POM121: variants seen among roughly 807,000 people sequenced by gnomAD.
POM121 encodes the protein nuclear envelope pore membrane protein POM 121.
A neutral mutation model predicts 81.3 loss-of-function variants in POM121; 32 were observed. The ratio of observed to expected loss-of-function variants is 0.39; its 90% CI spans 0.30 to 0.53. POM121 has a LOEUF of 0.53. Among genes scored for constraint, POM121 ranks in the 20% least tolerant of loss-of-function variants. The probability of loss-of-function intolerance (pLI) is 0.66; values close to 1 mark genes in which losing one functional copy is unlikely to be tolerated. For missense variants in POM121, 1,138 were observed against 1,614.6 expected, an observed-to-expected ratio of 0.70 and a Z score of 5.06; for synonymous variants, 514 against 694.2, an observed-to-expected ratio of 0.74 and a Z score of 4.08.
Position 72,925,753 on chromosome 7 carries a change from G to T in POM121, c.632G>T (p.Arg211Met). The change falls in exon 1 of 13, where the codon AGG (arginine) becomes ATG (methionine). Residue 211 changes from arginine to methionine, a missense_variant. Transcript: ENST00000434423. ...ACTCCTCTTCTCCGACCCTCCAGGA[G>T]GCCTTCCCCACGGTAAGATGCGCTG... Reference protein sequence around the residue: ...LPTPLLRPSRRPSPRDCGTLP... With the variant: ...LPTPLLRPSRMPSPRDCGTLP... 7.9e-7 allele frequency: 1 copy of T among 1,268,468 alleles called. No homozygotes were observed. Among genetic ancestry groups the T allele is most frequent in the Non-Finnish European group, 1.0e-6 (1 of 1,004,770 alleles). The allele number at this position is 1,268,468 out of a possible 1,614,324, so 78.6% of individuals were successfully genotyped here. A position where few individuals can be genotyped will look rare whatever the true frequency, so the allele number is the denominator to read the frequency against.
At chr7:72,880,127 C>G (rs1272825998) in intron 1 of POM121, among the ~76,000 whole-genome samples, 2 of 152,190 alleles carry the variant, frequency 1.3e-5, no homozygotes, top group Non-Finnish European at 2.9e-5. Context: ...TCTCCACTCC[C>G]CGCTAACCCC....
chr7:72,888,651 G>A (rs1345545214), intron 1 of POM121, among the ~76,000 whole-genome samples: 11 of 151,434 alleles, frequency 7.3e-5, no homozygotes, highest in South Asian at 2.1e-4. Context: ...CCTGACTTTC[G>A]GACCGAGAAG....
chr7:72,925,075 CG>C (rs1378849047), upstream of POM121: 1 of 1,360,130 alleles, frequency 7.4e-7, no homozygotes, highest in African/African-American at 1.5e-5. Context: ...ACGCGCGGCG[CG>C]GTGCACGCTG....
chr7:72,919,309 A>G (rs1437201729), intron 4 of POM121, among the ~76,000 whole-genome samples: 2 of 151,670 alleles, frequency 1.3e-5, no homozygotes, highest in Non-Finnish European at 2.9e-5. Context: ...TTATATTTTA[A>G]AGAGATTTAA....
At chr7:72,907,891 T>A (rs1192220200) in intron 3 of POM121, among the ~76,000 whole-genome samples, 1 of 152,222 alleles carries the variant, frequency 6.6e-6, no homozygotes, top group African/African-American at 2.4e-5. Flanking sequence ...CGTTTGCTGT[T>A]GTCCCATTGT....
intron 1 of POM121, among the ~76,000 whole-genome samples, chr7:72,884,715 C>T (rs1554489817): frequency 6.7e-6 from 1 of 149,488 alleles, no homozygotes; most frequent in Admixed American, 6.7e-5. Flanking sequence ...CATTTTCCCA[C>T]ATTAATCATT....
intron 3 of POM121, among the ~76,000 whole-genome samples, chr7:72,902,898 C>T (rs1250735172): frequency 5.9e-5 from 9 of 152,154 alleles, no homozygotes; most frequent in Non-Finnish European, 1.3e-4. Context: ...TCCTTGTATC[C>T]TTTAACTCTT....
chr7:72,950,310 G>T (rs1797969709), downstream of POM121: 2 of 955,312 alleles, frequency 2.1e-6, no homozygotes, highest in African/African-American at 1.7e-5. Flanking sequence ...AATCAACAGG[G>T]TGATAAGGGA....
At chr7:72,898,959 GTTTCTTTTTCT>G (rs1425884513) in intron 3 of POM121, among the ~76,000 whole-genome samples, 3 of 131,218 alleles carry the variant, frequency 2.3e-5, no homozygotes, top group Non-Finnish European at 5.0e-5. Flanking sequence ...GTGTTTCTGT[GTTTCTTTTTCT>G]TTTCTTTTCT....
exon 1 of POM121, chr7:72,879,795 G>A: frequency 2.0e-6 from 1 of 499,052 alleles, no homozygotes; most frequent in African/African-American, 1.9e-5. Context: ...TGGACGGGAG[G>A]GGACTTCGCG....
intron 11 of POM121, among the ~76,000 whole-genome samples, chr7:72,944,052 G>A (rs1278066835): frequency 1.3e-5 from 2 of 152,156 alleles, no homozygotes; most frequent in African/African-American, 2.4e-5. Flanking sequence ...AAAACAAACC[G>A]TAAGCTGAAT....
chr7:72,945,310 G>A (rs1797568038), intron 11 of POM121, among the ~76,000 whole-genome samples: 1 of 152,044 alleles, frequency 6.6e-6, no homozygotes, highest in Admixed American at 6.6e-5. Context: ...CCCCTCTGCA[G>A]CGATGGTCAG....
Position 72,925,307 on chromosome 7 carries a change from T to C in POM121, c.186T>C (p.Ala62=), listed in dbSNP as rs1276693078. The change falls in exon 1 of 13, where the codon GCT becomes GCC. Residue 62 remains alanine, a synonymous_variant. Transcript: ENST00000434423. The part of the protein sequence containing the change: ...AAALAWLTVG[A]TAAWWGLSRE... Reference sequence around the variant, plus strand: ...CACTGGCCTGGCTGACCGTGGGGGCTACCGCGGCCTGGTGGGGACTGAGCC... The same window carrying C: ...CACTGGCCTGGCTGACCGTGGGGGCCACCGCGGCCTGGTGGGGACTGAGCC... The C allele has an allele frequency of 2.0e-6, 3 of 1,534,328 alleles. No individual in the cohort carries two copies. Among genetic ancestry groups the C allele is most frequent in the African/African-American group, 2.7e-5 (2 of 72,974 alleles).
chr7:72,933,386 T>A (rs529623068), intron 5 of POM121, among the ~76,000 whole-genome samples: 1 of 152,296 alleles, frequency 6.6e-6, no homozygotes, highest in African/African-American at 2.4e-5. Flanking sequence ...TTGTCTCTTA[T>A]GAGTAGTTTG....
chr7:72,913,369 G>A lies in POM121; in HGVS notation c.-215-396G>A, dbSNP rs139516258. ...GAGAAAGTCATGGGCAGATGGAGCC[G>A]TGGATTAGTTCTTTTTTCCAGTCTT... On this transcript the variant is annotated intron_variant, in intron 3 of 15. Coordinates refer to the POM121 transcript ENST00000395270. Among the ~76,000 whole-genome samples, 301 of 152,356 alleles carry A rather than the reference G, an allele frequency of 2.0e-3. 2 individuals carry two copies. Among genetic ancestry groups the A allele is most frequent in the African/African-American group, 6.9e-3 (285 of 41,592 alleles).
chr7:72,894,793 A>T (rs577343097), intron 3 of POM121, among the ~76,000 whole-genome samples: 1 of 151,956 alleles, frequency 6.6e-6, no homozygotes, highest in African/African-American at 2.4e-5. Context: ...AGTAGCTGGC[A>T]CTACAGGTGC....
intron 1 of POM121, among the ~76,000 whole-genome samples, chr7:72,886,153 G>GTATTTATTTATTTATT (rs201459871): frequency 4.2e-4 from 59 of 140,112 alleles, no homozygotes; most frequent in African/African-American, 1.4e-3. Flanking sequence ...TAATTAAACA[G>GTATTTATTTATTTATT]TATTTATTTA....
chr7:72,948,593 C>G (rs1797868088), downstream of POM121: 1 of 1,609,468 alleles, frequency 6.2e-7, no homozygotes, highest in South Asian at 1.1e-5. Flanking sequence ...GCCTGTGAGG[C>G]TGAGCTAGAG....
Position 72,925,616 on chromosome 7 carries a change from C to T in POM121, c.495C>T (p.Arg165=), listed in dbSNP as rs1795333509. 1 of 1,338,980 alleles carries T rather than the reference C, an allele frequency of 7.5e-7. No individual in the cohort carries two copies. The highest frequency in any genetic ancestry group is 1.6e-5 in the African/African-American group (1 of 63,934). 82.9% of individuals were successfully genotyped at this position (1,338,980 alleles called of 1,614,324 possible). The stretch of plus-strand genomic sequence containing the variant: ...ACCTGCGGGATAGGCCTGGCCGCCG[C>T]CCACCTGCCCGCCCGGCGCCGCGCT... ...GQDLRDRPGR[R]PPARPAPRSP... The change falls in exon 1 of 13, where the codon CGC becomes CGT. Residue 165 remains arginine (R), a synonymous_variant. Coordinates refer to ENST00000434423, the MANE Select transcript of POM121 (RefSeq NM_001387691.1).
Sources: allele counts gnomAD v4.1 joint callset (sites outside exome capture counted in the v4.1 genomes callset), GRCh38; gene constraint gnomAD v4.1.1; transcripts MANE v1.5; gene names NCBI Gene and HGNC (gene_info 2026-07-23, HGNC 2026-07-21).